The following FRMD4B variants were observed in gnomAD, a reference collection of about 807,000 sequenced individuals.
The protein encoded by FRMD4B is FERM domain-containing protein 4B.
A neutral mutation model predicts 141.5 loss-of-function variants in FRMD4B; 74 were observed. That is an observed-to-expected ratio of 0.52 (90% CI 0.43 to 0.63). The LOEUF is 0.63. Ranked by LOEUF, FRMD4B falls within the 30% of genes least tolerant of loss-of-function variation. FRMD4B has a pLI of 0.00. For synonymous variants in FRMD4B, 506 were observed against 467.9 expected (o/e 1.08, Z -1.05); for missense variants, 1,366 against 1,253.4 (o/e 1.09, Z -1.36).
chr3:69,173,184 T>C (rs1340596821), intron 22 of FRMD4B, among the ~76,000 whole-genome samples: 2 of 151,902 alleles, frequency 1.3e-5, no homozygotes. Flanking sequence ...AAATAGGAGG[T>C]GAAAGAAAAA....
At chr3:69,287,181 A>G (rs1413678510) in intron 5 of FRMD4B, among the ~76,000 whole-genome samples, 4 of 152,356 alleles carry the variant, frequency 2.6e-5, no homozygotes, top group Non-Finnish European at 4.4e-5. Context: ...ATGTTTATTG[A>G]ATTTTATAAA....
At chr3:69,395,642 T>C (rs1175892956) in intron 2 of FRMD4B, among the ~76,000 whole-genome samples, 2 of 152,244 alleles carry the variant, frequency 1.3e-5, no homozygotes, top group African/African-American at 2.4e-5. Flanking sequence ...AAAAGGGACA[T>C]GAAAGTATAT....
chr3:69,272,552 A>G (rs2093599164), intron 5 of FRMD4B, among the ~76,000 whole-genome samples: 1 of 152,234 alleles, frequency 6.6e-6, no homozygotes, highest in Non-Finnish European at 1.5e-5. Flanking sequence ...AAATGAGTTG[A>G]GGATTAAAAC....
chr3:69,398,968 G>GGCAAT (rs1324713558), intron 2 of FRMD4B, among the ~76,000 whole-genome samples: 1 of 151,880 alleles, frequency 6.6e-6, no homozygotes, highest in Non-Finnish European at 1.5e-5. Context: ...GACAGCAAAA[G>GGCAAT]GCAATGCAGT....
chr3:69,214,853 C>G (rs1204434344), intron 11 of FRMD4B, among the ~76,000 whole-genome samples: 3 of 148,790 alleles, frequency 2.0e-5, no homozygotes, highest in Admixed American at 6.8e-5. Flanking sequence ...CACAGCGAGA[C>G]TCCATCTCAA....
At chr3:69,540,038 C>T (rs1701148176) in intron 1 of FRMD4B, among the ~76,000 whole-genome samples, 2 of 151,950 alleles carry the variant, frequency 1.3e-5, no homozygotes, top group Admixed American at 6.6e-5. Context: ...ACTAAAAATA[C>T]AAAAATTAGC....
chr3:69,410,706 TATAAATAAATAA>T (rs1219342263), intron 2 of FRMD4B, among the ~76,000 whole-genome samples: 4 of 114,462 alleles, frequency 3.5e-5, no homozygotes, highest in East Asian at 2.6e-4. Flanking sequence ...AAAAGAAATA[TATAAATAAATAA>T]ATAAATAAAT....
At position 69,441,588 on chromosome 3, in the gene FRMD4B, G is replaced by A. The variant is rs539584983; in HGVS notation, c.-128-8827C>T. ...TCTTTATTGGTGTATTATTCCCCAC[G>A]ATATACTATAAGCTCCACATGATTG... On this transcript the variant is annotated intron_variant, in intron 1 of 5. Coordinates refer to the FRMD4B transcript ENST00000459638. 1.1e-4 allele frequency among the ~76,000 whole-genome samples: 17 copies of A among 152,160 alleles called. No individual in the cohort carries two copies. In the East Asian group the frequency reaches 1.2e-3, roughly 10 times the overall value.
chr3:69,459,080 C>T (rs1216146415), intron 1 of FRMD4B, among the ~76,000 whole-genome samples: 1 of 152,156 alleles, frequency 6.6e-6, no homozygotes, highest in Admixed American at 6.5e-5. Context: ...GTTTTATGTG[C>T]TAACAAAATG....
intron 1 of FRMD4B, among the ~76,000 whole-genome samples, chr3:69,515,070 G>A (rs1700729532): frequency 6.6e-6 from 1 of 152,168 alleles, no homozygotes; most frequent in South Asian, 2.1e-4. Flanking sequence ...CACACATATG[G>A]TCAAATGATC....
At chr3:69,294,491 G>A (rs1265857583) in intron 4 of FRMD4B, among the ~76,000 whole-genome samples, 5 of 152,204 alleles carry the variant, frequency 3.3e-5, no homozygotes, top group Admixed American at 6.5e-5. Context: ...AGAATTCCCA[G>A]GGGAAGCACT....
chr3:69,278,813 T>C (rs2093630906), intron 5 of FRMD4B, among the ~76,000 whole-genome samples: 1 of 151,998 alleles, frequency 6.6e-6, no homozygotes, highest in African/African-American at 2.4e-5. Flanking sequence ...GGTCTGGAAC[T>C]CCTGGGATCA....
intron 5 of FRMD4B, among the ~76,000 whole-genome samples, chr3:69,259,378 G>A (rs1044522647): frequency 1.3e-5 from 2 of 152,174 alleles, no homozygotes; most frequent in African/African-American, 4.8e-5. Flanking sequence ...TGTGTGGCCC[G>A]GTTCCTAACA....
intron 1 of FRMD4B, among the ~76,000 whole-genome samples, chr3:69,541,789 T>TCCCCCCCCCCCC (rs56146632): frequency 1.3e-5 from 2 of 148,306 alleles, no homozygotes; most frequent in East Asian, 2.1e-4. Context: ...TCCAGGGATT[T>TCCCCCCCCCCCC]CCCCCCCCTC....
intron 9 of FRMD4B, among the ~76,000 whole-genome samples, chr3:69,220,766 A>G (rs978928021): frequency 6.6e-6 from 1 of 152,076 alleles, no homozygotes; most frequent in Non-Finnish European, 1.5e-5. Context: ...AGGCACGAAA[A>G]TCGCTTGAAC....
upstream of FRMD4B, among the ~76,000 whole-genome samples, chr3:69,389,059 A>C (rs1162530886): frequency 8.2e-6 from 1 of 122,268 alleles, no homozygotes; most frequent in East Asian, 2.6e-4. Flanking sequence ...TTTGAAACGT[A>C]GTCTCCCTCT....
intron 1 of FRMD4B, among the ~76,000 whole-genome samples, chr3:69,520,825 A>G (rs1186351125): frequency 6.6e-6 from 1 of 152,104 alleles, no homozygotes; most frequent in Non-Finnish European, 1.5e-5. Context: ...ACAAGCTGAC[A>G]TCAATAATGA....
At chr3:69,210,845 C>T (rs2093069368) in intron 11 of FRMD4B, among the ~76,000 whole-genome samples, 2 of 151,884 alleles carry the variant, frequency 1.3e-5, no homozygotes, top group African/African-American at 4.8e-5. Context: ...GAAACTCCAT[C>T]TCTGCTAAAA....
intron 2 of FRMD4B, among the ~76,000 whole-genome samples, chr3:69,423,261 G>A (rs140602950): frequency 2.3e-4 from 35 of 152,250 alleles, no homozygotes; most frequent in Middle Eastern, 3.4e-3. Context: ...TGATCCTCCC[G>A]CCTTGGCCTC....
Sources: gnomAD v4.1 joint callset for allele counts (sites outside exome capture counted in the v4.1 genomes callset) on GRCh38, gnomAD v4.1.1 for gene constraint, MANE v1.5 for transcripts, NCBI Gene and HGNC (gene_info 2026-07-23, HGNC 2026-07-21) for gene names.